The following INSL6 variants were observed in gnomAD, a reference collection of about 807,000 sequenced individuals.
INSL6 encodes insulin like 6, also known as insulin-like peptide INSL6.
Under a neutral mutation model 9.4 loss-of-function variants are expected in INSL6, and 16 were observed. The ratio of observed to expected loss-of-function variants is 1.70; its 90% CI spans 1.15 to 2.59. INSL6 has a LOEUF of 2.59. Among genes scored for constraint, INSL6 ranks in the 30% most tolerant of loss-of-function variants. The pLI is 0.00. For synonymous variants in INSL6, 154 were observed against 96.9 expected (o/e 1.59, Z -3.46); for missense variants, 391 against 257.3 (o/e 1.52, Z -3.56).
At chr9:5,132,647 C>T (rs751776111) in intron 3 of INSL6, among the ~76,000 whole-genome samples, 7 of 152,028 alleles carry the variant, frequency 4.6e-5, no homozygotes, top group East Asian at 1.9e-4. Flanking sequence ...CTACGTACAA[C>T]TTCAAGTTGC....
At chr9:5,014,916 G>T in the INSL6 span, among the ~76,000 whole-genome samples, 1 of 149,266 alleles carries the variant, frequency 6.7e-6, no homozygotes, top group African/African-American at 2.5e-5. Context: ...ACATTTCCTT[G>T]ATTTTTTATT....
At chr9:4,993,131 G>T in the INSL6 span, among the ~76,000 whole-genome samples, 2 of 152,128 alleles carry the variant, frequency 1.3e-5, no homozygotes, top group African/African-American at 4.8e-5. Flanking sequence ...CTTCCTGTGT[G>T]TAAGTTTATA....
the INSL6 span, among the ~76,000 whole-genome samples, chr9:5,075,726 C>T: frequency 1.3e-5 from 2 of 152,188 alleles, no homozygotes; most frequent in Admixed American, 6.5e-5. Flanking sequence ...GGTGACACAA[C>T]ATCCATTCTG....
chr9:5,132,497 C>A (rs1450480515), intron 3 of INSL6, among the ~76,000 whole-genome samples: 1 of 151,870 alleles, frequency 6.6e-6, no homozygotes, highest in Non-Finnish European at 1.5e-5. Flanking sequence ...CACAGTTGCT[C>A]CAACAACTTA....
chr9:5,180,213 T>G (rs1165432751), intron 1 of INSL6, among the ~76,000 whole-genome samples: 4 of 152,208 alleles, frequency 2.6e-5, no homozygotes, highest in Non-Finnish European at 5.9e-5. Context: ...TCCTGTTATC[T>G]TCGTAAGCTG....
At chr9:5,037,656 A>G in the INSL6 span, among the ~76,000 whole-genome samples, 78 of 152,318 alleles carry the variant, frequency 5.1e-4, no homozygotes, top group Admixed American at 2.0e-3. Context: ...GAATTGAACA[A>G]TGAGAACACA....
intron 1 of INSL6, among the ~76,000 whole-genome samples, chr9:5,165,092 T>A (rs1006163982): frequency 6.6e-6 from 1 of 152,150 alleles, no homozygotes. Context: ...ACGCCTGTAA[T>A]ACCAGCTACT....
chr9:5,068,176 A>AC, the INSL6 span, among the ~76,000 whole-genome samples: 14 of 25,100 alleles, frequency 5.6e-4, 1 homozygote, highest in African/African-American at 5.3e-3. Flanking sequence ...AACAACAACA[A>AC]AAAAAAAAAA....
chr9:5,038,182 A>G, the INSL6 span, among the ~76,000 whole-genome samples: 12 of 152,324 alleles, frequency 7.9e-5, no homozygotes, highest in East Asian at 2.3e-3. Flanking sequence ...AATGCCAACA[A>G]ATTAGAGGAT....
intron 1 of INSL6, among the ~76,000 whole-genome samples, chr9:5,179,911 T>C (rs1825407915): frequency 6.6e-6 from 1 of 152,018 alleles, no homozygotes; most frequent in Non-Finnish European, 1.5e-5. Context: ...AATACATAGG[T>C]GATAGGATGA....
chr9:5,113,139 C>T, the INSL6 span, among the ~76,000 whole-genome samples: 1 of 151,372 alleles, frequency 6.6e-6, no homozygotes, highest in African/African-American at 2.4e-5. Flanking sequence ...CTGTGACCTG[C>T]CCCATGGACC....
the INSL6 span, among the ~76,000 whole-genome samples, chr9:5,001,364 T>C: frequency 2.4e-4 from 37 of 152,150 alleles, no homozygotes; most frequent in Non-Finnish European, 3.4e-4. Context: ...TTCCCTTCTT[T>C]TTCTAATTTA....
chr9:5,008,228 A>T, the INSL6 span, among the ~76,000 whole-genome samples: 2 of 152,120 alleles, frequency 1.3e-5, no homozygotes, highest in Non-Finnish European at 2.9e-5. Context: ...TGCTTGTTCC[A>T]TTGTTTATGT....
chr9:5,097,631 T>C, the INSL6 span: 3 of 148,046 alleles, frequency 2.0e-5, no homozygotes, highest in South Asian at 4.2e-4. Context: ...TTTAGCTGAT[T>C]AGCTACACTG....
chr9:5,118,466 T>A, the INSL6 span, among the ~76,000 whole-genome samples: 11 of 152,184 alleles, frequency 7.2e-5, no homozygotes, highest in African/African-American at 2.7e-4. Context: ...TGGGTTATCA[T>A]TGAAGTTACT....
the INSL6 span, among the ~76,000 whole-genome samples, chr9:5,025,625 C>G: frequency 2.6e-5 from 4 of 151,310 alleles, no homozygotes; most frequent in Non-Finnish European, 5.9e-5. Context: ...CCTCCGCCTT[C>G]CAAGTTCAAG....
the INSL6 span, among the ~76,000 whole-genome samples, chr9:4,997,879 G>A: frequency 6.6e-6 from 1 of 151,866 alleles, no homozygotes; most frequent in Non-Finnish European, 1.5e-5. Context: ...CCATGTTTAT[G>A]TATTTCTTAT....
chr9:5,057,476 A>G, the INSL6 span, among the ~76,000 whole-genome samples: 1 of 152,036 alleles, frequency 6.6e-6, no homozygotes, highest in Admixed American at 6.6e-5. Context: ...TTTTGCATCC[A>G]ATTTCCAGAA....
downstream of INSL6, among the ~76,000 whole-genome samples, chr9:5,162,891 G>A (rs894433478): frequency 2.6e-5 from 4 of 152,122 alleles, no homozygotes; most frequent in Non-Finnish European, 4.4e-5. Flanking sequence ...TAATGGGTAC[G>A]AAGTAGGAAT....
Sources: gnomAD v4.1 joint callset for allele counts (sites outside exome capture counted in the v4.1 genomes callset) on GRCh38, gnomAD v4.1.1 for gene constraint, MANE v1.5 for transcripts, NCBI Gene and HGNC (gene_info 2026-07-23, HGNC 2026-07-21) for gene names.